The following DNAH6 variants were observed in gnomAD, a reference collection of about 807,000 sequenced individuals.
The protein encoded by DNAH6 is dynein axonemal heavy chain 6.
A neutral mutation model predicts 491.4 loss-of-function variants in DNAH6; 340 were observed. That is an observed-to-expected ratio of 0.69 (90% confidence interval 0.63 to 0.76). The LOEUF (loss-of-function observed/expected upper bound fraction) is 0.76. Ranked by LOEUF, DNAH6 falls within the 30% of genes least tolerant of loss-of-function variation. The pLI, the probability that DNAH6 is intolerant of heterozygous loss-of-function variation, is 0.00. For synonymous variants in DNAH6, 1,603 were observed against 1,686.1 expected (o/e 0.95, Z 1.21); for missense variants, 4,443 against 4,972.2 (o/e 0.89, Z 3.20).
At chr2:84,502,926 G>A in the DNAH6 span, among the ~76,000 whole-genome samples, 1 of 152,008 alleles carries the variant, frequency 6.6e-6, no homozygotes, top group African/African-American at 2.4e-5. Context: ...TGGATCAATG[G>A]GTCATGTTTT....
chr2:84,677,039 G>C lies in DNAH6; in HGVS notation c.6647G>C (p.Gly2216Ala), dbSNP rs1211841320. The C allele has an allele frequency of 1.7e-5, 26 of 1,551,622 alleles. No homozygotes were observed. The highest frequency in any genetic ancestry group is 2.3e-5 in the Non-Finnish European group (26 of 1,146,994). The change falls in exon 41 of 77, where the codon GGC (glycine) becomes GCC (alanine). Residue 2216 changes from glycine to alanine, a missense_variant. Physicochemically the swap from Gly to Ala is moderately conservative, Grantham distance 60. Transcript: ENST00000389394. ...ATCATATCGGCATGTGCACCTCCAG[G>C]CGGTGGCCGCAACCCTGTGACTCCC... is the stretch of plus-strand genomic sequence containing the variant. ...VTIISACAPP[G>A]GGRNPVTPRF...
At position 84,701,495 on chromosome 2, in the gene DNAH6, A is replaced by C. The variant is rs1371769069; in HGVS notation, c.8061+156A>C. ...AATACCTGAGACTGGGTAATTTATA[A>C]GAAAAGAGATGTAATTGGCTCACAG... On this transcript the variant is annotated intron_variant, in intron 49 of 76. Coordinates refer to ENST00000389394, the MANE Select transcript of DNAH6 (RefSeq NM_001370.2). Among the ~76,000 whole-genome samples, 11 of 152,340 alleles carry C rather than the reference A, an allele frequency of 7.2e-5. No homozygotes were observed. The East Asian group carries it at 1.3e-3, about 19-fold the overall frequency.
chr2:84,627,015 T>G (rs914008951), intron 29 of DNAH6, among the ~76,000 whole-genome samples: 34 of 152,226 alleles, frequency 2.2e-4, no homozygotes, highest in Admixed American at 3.3e-4. Context: ...TATGCATTTC[T>G]GACATCCGCC....
chr2:84,642,966 TC>T (rs1303139964), intron 33 of DNAH6, among the ~76,000 whole-genome samples: 2 of 152,176 alleles, frequency 1.3e-5, no homozygotes, highest in African/African-American at 4.8e-5. Context: ...GCCATGCTCT[TC>T]CATGCTCTTC....
intron 10 of DNAH6, among the ~76,000 whole-genome samples, chr2:84,555,240 C>T (rs147045371): frequency 1.3e-4 from 20 of 152,246 alleles, no homozygotes; most frequent in Non-Finnish European, 1.3e-4. Flanking sequence ...GGTTACCTAT[C>T]GTTTCCTAAT....
chr2:84,813,845 A>T, intron 74 of DNAH6, 126 bp from the exon 75 acceptor site: 1 of 901,264 alleles, frequency 1.1e-6, no homozygotes. Flanking sequence ...AGGTATTAAG[A>T]GTTGGGTCTT....
At chr2:84,694,557 T>C in intron 46 of DNAH6, 77 bp downstream of exon 46, 2 of 1,090,634 alleles carry the variant, frequency 1.8e-6, no homozygotes, top group South Asian at 1.5e-5. Context: ...TTGAACAGTT[T>C]GTAGGATGAA....
intron 31 of DNAH6, among the ~76,000 whole-genome samples, chr2:84,639,333 A>G (rs1689167967): frequency 6.6e-6 from 1 of 151,542 alleles, no homozygotes; most frequent in Admixed American, 6.6e-5. Context: ...TCAGTAATGG[A>G]TTGGACGAAT....
chr2:84,471,888 T>G, the DNAH6 span, among the ~76,000 whole-genome samples: 2,307 of 152,248 alleles, frequency 0.015, 59 homozygotes, highest in African/African-American at 0.053. Flanking sequence ...CAATTCACAC[T>G]GTACAGGTGG....
intron 58 of DNAH6, 28 bp from the exon 59 acceptor site, chr2:84,718,176 A>G: frequency 6.8e-7 from 1 of 1,479,966 alleles, no homozygotes; most frequent in Non-Finnish European, 9.0e-7. Flanking sequence ...GCAGAGACAT[A>G]ATTTAGATAT....
intron 62 of DNAH6, among the ~76,000 whole-genome samples, chr2:84,741,191 C>A (rs1365038308): frequency 6.6e-6 from 1 of 152,096 alleles, no homozygotes; most frequent in African/African-American, 2.4e-5. Flanking sequence ...CCCTGCTTGG[C>A]TGGGTGGCAG....
At chr2:84,517,022 A>T (rs956260657) in intron 1 of DNAH6, among the ~76,000 whole-genome samples, 8 of 152,186 alleles carry the variant, frequency 5.3e-5, no homozygotes, top group Admixed American at 2.0e-4. Context: ...TTTCTTTTTT[A>T]AAAATGCTAT....
intron 42 of DNAH6, among the ~76,000 whole-genome samples, chr2:84,683,483 C>T (rs1694005596): frequency 7.4e-6 from 1 of 134,690 alleles, no homozygotes; most frequent in African/African-American, 2.9e-5. Flanking sequence ...AGTGCAGTGG[C>T]GTGATCTCGG....
chr2:84,808,169 G>A (rs977983860), intron 71 of DNAH6, among the ~76,000 whole-genome samples: 1 of 148,682 alleles, frequency 6.7e-6, no homozygotes, highest in African/African-American at 2.5e-5. Flanking sequence ...GTGTGTGTGT[G>A]TATGCCCTGA....
At chr2:84,603,364 A>G (rs908665253) in intron 18 of DNAH6, among the ~76,000 whole-genome samples, 2 of 152,034 alleles carry the variant, frequency 1.3e-5, no homozygotes, top group Admixed American at 6.5e-5. Context: ...TTTTCTAGTG[A>G]TACCTCGAAT....
At chr2:84,727,492 GCAT>G (rs1698747004) in intron 60 of DNAH6, among the ~76,000 whole-genome samples, 174 bp from the exon 61 acceptor site, 1 of 152,128 alleles carries the variant, frequency 6.6e-6, no homozygotes, top group African/African-American at 2.4e-5. Context: ...GACCTGCTGT[GCAT>G]CATTTCACTT....
At chr2:84,794,559 C>T in intron 68 of DNAH6, among the ~76,000 whole-genome samples, 1 of 150,982 alleles carries the variant, frequency 6.6e-6, no homozygotes, top group Non-Finnish European at 1.5e-5. Context: ...TTTATGCAGC[C>T]AAAAAACACA....
rs11893476 is a variant in DNAH6, at chr2:84,634,828, C to T, written c.4653+187C>T. 0.14 allele frequency among the ~76,000 whole-genome samples: 21,308 copies of T among 152,190 alleles called. 2,385 individuals carry two copies. The highest frequency in any genetic ancestry group is 0.31 in the African/African-American group (12,696 of 41,496). On this transcript the variant is annotated intron_variant, in intron 30 of 76. Coordinates refer to ENST00000389394, the MANE Select transcript of DNAH6 (RefSeq NM_001370.2). ...CAAGGAATATGGTGCCAGATGAAGA[C>T]ACTGAGTGGTCCTGTTATTTAAAAT...
At chr2:84,652,724 G>A (rs979824454) in intron 33 of DNAH6, among the ~76,000 whole-genome samples, 2 of 151,992 alleles carry the variant, frequency 1.3e-5, no homozygotes, top group African/African-American at 2.4e-5. Context: ...TATATAATGT[G>A]AGGTAAAGAT....
Sources: allele counts gnomAD v4.1 joint callset (sites outside exome capture counted in the v4.1 genomes callset), GRCh38; gene constraint gnomAD v4.1.1; transcripts MANE v1.5; gene names NCBI Gene and HGNC (gene_info 2026-07-23, HGNC 2026-07-21).